Variants in NUCB1 observed in about 807,000 individuals in gnomAD.
NUCB1 encodes nucleobindin-1.
Under a neutral mutation model 61.2 loss-of-function variants are expected in NUCB1, and 47 were observed. That is an observed-to-expected ratio of 0.77 (90% CI 0.61 to 0.98). NUCB1 has a LOEUF of 0.98. NUCB1 is among the 50% of genes least tolerant of loss of function. The pLI is 0.00. For missense variants in NUCB1, 583 were observed against 605.3 expected (o/e 0.96, Z 0.39); for synonymous variants, 234 against 243.1 (o/e 0.96, Z 0.35).
rs375339749 is a variant in NUCB1 at position 48,907,607 on chromosome 19, G to A, written c.376+1722G>A. Among the ~76,000 whole-genome samples the A allele has an allele frequency of 1.3e-4, 20 of 152,202 alleles. No individual in the cohort carries two copies. In the East Asian group the frequency reaches 2.5e-3, roughly 19 times the overall value. On this transcript the variant is annotated intron_variant, in intron 4 of 12. Transcript: ENST00000405315. ...TAAGGTCTTTAATGTAATCCCATCC[G>A]CCAGGACCCCTTAGCCCGGAAAGGT... is the stretch of plus-strand genomic sequence containing the variant.
intron 10 of NUCB1, among the ~76,000 whole-genome samples, chr19:48,920,238 T>G (rs528432370): frequency 6.6e-6 from 1 of 151,800 alleles, no homozygotes; most frequent in East Asian, 1.9e-4. Context: ...CAAACTCCTG[T>G]CCTCAAGTGA....
chr19:48,913,166 G>A lies in NUCB1; in HGVS notation c.636G>A (p.Arg212=), dbSNP rs2037497621. ...GGAAGCTGGAAGAGCAACAGCGCCGGCACCGCGAGCACCCTAAAGTCAACG... is the reference window on the plus strand; with the variant it reads ...GGAAGCTGGAAGAGCAACAGCGCCGACACCGCGAGCACCCTAAAGTCAACG... ...AERKLEEQQR[R]HREHPKVNVP... The change falls in exon 6 of 13, where the codon CGG becomes CGA. Residue 212 remains arginine (R), a synonymous_variant. Transcript: ENST00000405315. 1.2e-6 allele frequency: 2 copies of A among 1,613,326 alleles called. No homozygotes were observed. The highest frequency in any genetic ancestry group is 1.7e-5 in the Admixed American group (1 of 59,794).
At chr19:48,905,909 G>GGC in intron 4 of NUCB1, 24 bp downstream of exon 4, 2 of 496,802 alleles carry the variant, frequency 4.0e-6, no homozygotes, top group East Asian at 6.0e-5. Flanking sequence ...GGGCGGGAGG[G>GGC]ACAGGCAGGG....
At chr19:48,902,435 T>TGA (rs1277674207) in intron 2 of NUCB1, among the ~76,000 whole-genome samples, 4 of 146,466 alleles carry the variant, frequency 2.7e-5, no homozygotes, top group Non-Finnish European at 4.5e-5. Flanking sequence ...TTTTTTTTTT[T>TGA]TTTATTTTTG....
At chr19:48,913,862 C>T (rs1197621229) in intron 7 of NUCB1, among the ~76,000 whole-genome samples, 1 of 152,162 alleles carries the variant, frequency 6.6e-6, no homozygotes, top group Admixed American at 6.5e-5. Context: ...CACAGCAGCC[C>T]AGGAGAAGCC....
At chr19:48,920,584 T>A (rs942168448) in intron 10 of NUCB1, among the ~76,000 whole-genome samples, 8 of 151,810 alleles carry the variant, frequency 5.3e-5, no homozygotes, top group Non-Finnish European at 2.9e-5. Context: ...AGTGCAATGG[T>A]GCATTCTCAG....
intron 4 of NUCB1, among the ~76,000 whole-genome samples, chr19:48,906,553 C>T (rs1330325120): frequency 1.3e-5 from 2 of 151,892 alleles, no homozygotes; most frequent in Non-Finnish European, 2.9e-5. Context: ...AGACCCCTGT[C>T]TCTATAAAAA....
At chr19:48,913,427 G>A in intron 6 of NUCB1, 47 bp from the exon 7 acceptor site, 1 of 1,520,870 alleles carries the variant, frequency 6.6e-7, no homozygotes, top group Non-Finnish European at 9.1e-7. Flanking sequence ...TTTATCCCAT[G>A]GCATCCAGAC....
Position 48,900,912 on chromosome 19 carries a change from C to A in NUCB1, c.116C>A (p.Thr39Asn). ...LERGAPNKEETPATESPDTGL... is the reference protein window; with the variant it reads ...LERGAPNKEENPATESPDTGL... ...CGAGGGGCGCCCAACAAGGAGGAGA[C>A]CCCTGCGACTGAGAGTCCCGTGAGT... Residue 39 changes from threonine to asparagine, a missense_variant, in exon 2 of 13, where the codon ACC becomes AAC. Thr to Asn is a moderately conservative substitution (Grantham distance 65, BLOSUM62 0). Transcript: ENST00000405315. 1.2e-6 allele frequency: 2 copies of A among 1,613,946 alleles called. No homozygotes were observed. The highest frequency in any genetic ancestry group is 1.7e-6 in the Non-Finnish European group (2 of 1,180,042).
chr19:48,909,119 G>A (rs2037445099), intron 4 of NUCB1, among the ~76,000 whole-genome samples: 2 of 151,946 alleles, frequency 1.3e-5, no homozygotes, highest in Non-Finnish European at 2.9e-5. Context: ...GGGAGGATCT[G>A]TACCAGGCCC....
At chr19:48,905,189 T>A (rs1297426400) in intron 3 of NUCB1, among the ~76,000 whole-genome samples, 3 of 152,188 alleles carry the variant, frequency 2.0e-5, no homozygotes, top group Non-Finnish European at 4.4e-5. Context: ...GCAAGTGTTG[T>A]GGGAGGGCTG....
chr19:48,918,688 C>T (rs201369393), intron 7 of NUCB1, 38 bp from the exon 8 acceptor site: 42 of 1,564,346 alleles, frequency 2.7e-5, no homozygotes, highest in Non-Finnish European at 3.6e-5. Flanking sequence ...ATCCCGTCCT[C>T]GGTCCCCTGA....
intron 1 of NUCB1, 32 bp downstream of exon 1, chr19:48,900,404 C>G (rs1053162728): frequency 2.2e-5 from 5 of 230,402 alleles, no homozygotes; most frequent in African/African-American, 9.2e-5. Flanking sequence ...ACTCTTGGGT[C>G]CTAGGGAGGA....
At chr19:48,901,234 T>C (rs1600047678) in intron 2 of NUCB1, 2 of 523,018 alleles carry the variant, frequency 3.8e-6, no homozygotes, top group Admixed American at 3.3e-5. Flanking sequence ...AGTAGCACCA[T>C]GTTGCTAGTT....
chr19:48,910,610 A>G (rs1283858825), intron 4 of NUCB1, among the ~76,000 whole-genome samples: 1 of 150,406 alleles, frequency 6.6e-6, no homozygotes, highest in Middle Eastern at 3.2e-3. Flanking sequence ...GGATTGCTTG[A>G]GCCTGGGAGG....
At chr19:48,902,206 G>A (rs771115024) in intron 2 of NUCB1, among the ~76,000 whole-genome samples, 22 of 151,796 alleles carry the variant, frequency 1.4e-4, no homozygotes, top group East Asian at 7.8e-4. Context: ...TGCCTCCCAG[G>A]TTCAGGTGAT....
At chr19:48,909,405 G>A (rs929127691) in intron 4 of NUCB1, among the ~76,000 whole-genome samples, 7 of 151,658 alleles carry the variant, frequency 4.6e-5, no homozygotes, top group East Asian at 1.9e-4. Flanking sequence ...GCGCCACCAC[G>A]CCTGGATAAT....
intron 2 of NUCB1, among the ~76,000 whole-genome samples, chr19:48,902,429 T>A (rs532807713): frequency 1.0e-4 from 15 of 148,996 alleles, no homozygotes; most frequent in East Asian, 3.9e-4. Flanking sequence ...TCTTTTTTTT[T>A]TTTTTTTTTA....
In NUCB1 at chr19:48,905,843, C is replaced by A. The variant is rs965103640; in HGVS notation, c.334C>A (p.Arg112=). ...ELKRQEVSRL[R]MLLKAKMDAE... Reference sequence around the variant, plus strand: ...CAAGCGACAGGAGGTGTCACGGCTGCGGATGCTGCTCAAGGCCAAGATGGA... The same window carrying A: ...CAAGCGACAGGAGGTGTCACGGCTGAGGATGCTGCTCAAGGCCAAGATGGA... The change falls in exon 4 of 13, where the codon CGG becomes AGG. Residue 112 remains arginine (R), a synonymous_variant. Transcript: ENST00000405315. The A allele has an allele frequency of 7.2e-7, 1 of 1,388,374 alleles. No individual in the cohort carries two copies. Among genetic ancestry groups the A allele is most frequent in the South Asian group, 1.1e-5 (1 of 88,252 alleles). 86.0% of individuals were successfully genotyped at this position (1,388,374 alleles called of 1,614,324 possible). A position where few individuals can be genotyped will look rare whatever the true frequency, so the allele number is the denominator to read the frequency against.
Sources: gnomAD v4.1 joint callset for allele counts (sites outside exome capture counted in the v4.1 genomes callset) on GRCh38, gnomAD v4.1.1 for gene constraint, MANE v1.5 for transcripts, NCBI Gene and HGNC (gene_info 2026-07-23, HGNC 2026-07-21) for gene names.